PPP5C: variants seen among roughly 807,000 people sequenced by gnomAD.
PPP5C encodes the protein protein phosphatase 5 catalytic subunit.
A neutral mutation model predicts 66.7 loss-of-function variants in PPP5C; 21 were observed. The observed-to-expected ratio is 0.31, with a 90% CI of 0.22 to 0.45. The LOEUF (loss-of-function observed/expected upper bound fraction) is 0.45, where lower values mean the gene tolerates loss of function less well. PPP5C is among the 20% of genes least tolerant of loss of function. PPP5C has a pLI of 1.00. For synonymous variants in PPP5C, 246 were observed against 257.4 expected (o/e 0.96, Z 0.43); for missense variants, 464 against 675.9 (o/e 0.69, Z 3.48).
At position 46,390,748 on chromosome 19, in the gene PPP5C, C is replaced by T. The variant is rs1275066051; in HGVS notation, c.*402C>T. 9.7e-6 allele frequency: 11 copies of T among 1,136,064 alleles called. No individual in the cohort carries two copies. The highest frequency in any genetic ancestry group is 4.4e-6 in the Non-Finnish European group (4 of 915,472). 70.4% of individuals were successfully genotyped at this position (1,136,064 alleles called of 1,614,324 possible). On this transcript the variant is annotated 3_prime_UTR_variant, in exon 13 of 13. Coordinates refer to ENST00000012443, the MANE Select transcript of PPP5C (RefSeq NM_006247.4). ...AGCAGGGGGGCCCCGCCTGCGCCTCCCCTCCTATAGCCCCATGGTGGGGCT... is the reference window on the plus strand; with the variant it reads ...AGCAGGGGGGCCCCGCCTGCGCCTCTCCTCCTATAGCCCCATGGTGGGGCT...
chr19:46,366,946 T>G (rs1972500577), intron 2 of PPP5C, among the ~76,000 whole-genome samples: 2 of 152,330 alleles, frequency 1.3e-5, no homozygotes, highest in Middle Eastern at 3.4e-3. Flanking sequence ...ATACCCACCC[T>G]TTTCGAAGGG....
chr19:46,369,631 C>A (rs1469245346), intron 2 of PPP5C, among the ~76,000 whole-genome samples: 252 of 119,038 alleles, frequency 2.1e-3, no homozygotes, highest in Admixed American at 2.0e-3. Flanking sequence ...GACTCTGTCT[C>A]AAAAAAAAAA....
chr19:46,370,718 A>T (rs1179131256), intron 2 of PPP5C, among the ~76,000 whole-genome samples: 1 of 151,358 alleles, frequency 6.6e-6, no homozygotes, highest in Non-Finnish European at 1.5e-5. Flanking sequence ...AAACATCATT[A>T]TACAGCTCAT....
intron 2 of PPP5C, among the ~76,000 whole-genome samples, chr19:46,369,926 GAA>G (rs58057964): frequency 6.9e-6 from 1 of 144,034 alleles, no homozygotes; most frequent in African/African-American, 2.6e-5. Context: ...ACTCCGTCTG[GAA>G]AAAAAAAAAA....
At chr19:46,386,196 G>A (rs1972882794) in intron 7 of PPP5C, among the ~76,000 whole-genome samples, 1 of 152,146 alleles carries the variant, frequency 6.6e-6, no homozygotes, top group Non-Finnish European at 1.5e-5. Context: ...GGTTCCAAGG[G>A]GTGTTGAAAA....
chr19:46,367,384 C>G (rs1025177190), intron 2 of PPP5C, among the ~76,000 whole-genome samples: 1 of 152,184 alleles, frequency 6.6e-6, no homozygotes, highest in African/African-American at 2.4e-5. Context: ...TCCCCAGATT[C>G]TGCATGTAAT....
chr19:46,383,270 G>A lies in PPP5C; in HGVS notation c.634-141G>A. 6.5e-7 allele frequency: 1 copy of A among 1,546,806 alleles called. No individual in the cohort carries two copies. The highest frequency in any genetic ancestry group is 1.4e-5 in the African/African-American group (1 of 73,134). ...GCCCCGCCTGCTCCCGCTCCCCCAG[G>A]CCTGCCCTGCCCTTTTTCTTCTCTC... is the stretch of plus-strand genomic sequence containing the variant. On this transcript the variant is annotated intron_variant, in intron 4 of 12. Transcript: ENST00000012443. The surrounding 1 kb of genome is among the most constrained non-coding windows in gnomAD (Gnocchi z 5.0).
chr19:46,352,277 AAC>A lies in PPP5C; in HGVS notation c.122-1469_122-1468del, dbSNP rs372524189. On this transcript the variant is annotated intron_variant, in intron 1 of 12. Transcript: ENST00000012443. ...GAAGGACTCTCGGAGTGCTGTTGAG[AAC>A]ATTAAAATGGGAGTGAGGGTGGGGA... Among the ~76,000 whole-genome samples the A allele has an allele frequency of 5.5e-3, 830 of 152,268 alleles. 4 individuals are homozygous for A. Among genetic ancestry groups the A allele is most frequent in the African/African-American group, 0.019 (792 of 41,556 alleles).
chr19:46,359,014 A>T (rs190029132), intron 2 of PPP5C, among the ~76,000 whole-genome samples: 1 of 152,102 alleles, frequency 6.6e-6, no homozygotes, highest in Non-Finnish European at 1.5e-5. Context: ...CTCAAGGAAA[A>T]GTTTCTTTTC....
rs547427875 is a variant in PPP5C at position 46,376,472 on chromosome 19, C to T, written c.531C>T (p.Ser177=). 17 of 1,613,578 alleles carry T rather than the reference C, an allele frequency of 1.1e-5. No individual in the cohort carries two copies. The highest frequency in any genetic ancestry group is 9.9e-5 in the South Asian group (9 of 91,066). The change falls in exon 4 of 13, where the codon AGC becomes AGT. Residue 177 remains serine, a synonymous_variant. Transcript: ENST00000012443. This position sits in a 1 kb window ranked among gnomAD's most constrained non-coding sequence, Gnocchi z 5.1. ...IESMTIEDEY[S]GPKLEDGKVT... is the part of the protein sequence containing the mutation. ...CCCTAGCCATTGAGGATGAGTACAGCGGACCCAAGCTTGAAGACGGCAAAG... is the reference window on the plus strand; with the variant it reads ...CCCTAGCCATTGAGGATGAGTACAGTGGACCCAAGCTTGAAGACGGCAAAG...
At chr19:46,357,927 G>T (rs1972315223) in intron 2 of PPP5C, among the ~76,000 whole-genome samples, 1 of 152,160 alleles carries the variant, frequency 6.6e-6, no homozygotes, top group South Asian at 2.1e-4. Context: ...TTGGTCATTG[G>T]TGATCAACTT....
At chr19:46,357,994 C>A (rs1972316747) in intron 2 of PPP5C, among the ~76,000 whole-genome samples, 1 of 152,198 alleles carries the variant, frequency 6.6e-6, no homozygotes, top group Admixed American at 6.5e-5. Context: ...AACATTCCAA[C>A]CTTACAGGCC....
chr19:46,375,871 CTG>C, intron 3 of PPP5C, 120 bp downstream of exon 3: 1 of 1,434,848 alleles, frequency 7.0e-7, no homozygotes. Context: ...AGGCTGGTGT[CTG>C]TCGCTCCTCT....
intron 2 of PPP5C, 140 bp from the exon 3 acceptor site, chr19:46,375,464 C>T (rs1207264768): frequency 5.4e-6 from 7 of 1,300,256 alleles, no homozygotes; most frequent in South Asian, 3.0e-5. Context: ...CAGTTAAATA[C>T]GTCTAGGGTT....
intron 4 of PPP5C, chr19:46,382,870 CTG>C: frequency 1.9e-6 from 2 of 1,069,736 alleles, no homozygotes; most frequent in Non-Finnish European, 2.3e-6. Flanking sequence ...CATATCCAAT[CTG>C]TGAAAAATAA....
At chr19:46,387,488 AG>A in intron 9 of PPP5C, 35 bp downstream of exon 9, 1 of 1,613,998 alleles carries the variant, frequency 6.2e-7, no homozygotes, top group Non-Finnish European at 8.5e-7. Flanking sequence ...TCCAGCAGAA[AG>A]GGGCAGCCTG....
intron 2 of PPP5C, among the ~76,000 whole-genome samples, chr19:46,372,800 C>A (rs1192651659): frequency 6.6e-6 from 1 of 152,212 alleles, no homozygotes; most frequent in Admixed American, 6.5e-5. Context: ...GACCTTGATA[C>A]AATCCAACTG....
At chr19:46,348,545 C>T (rs923560646) in intron 1 of PPP5C, among the ~76,000 whole-genome samples, 3 of 152,048 alleles carry the variant, frequency 2.0e-5, no homozygotes, top group Admixed American at 1.3e-4. Flanking sequence ...AACCTCTGAC[C>T]GCAGGTGATC....
intron 2 of PPP5C, among the ~76,000 whole-genome samples, chr19:46,365,087 A>G (rs1972467866): frequency 6.6e-6 from 1 of 151,636 alleles, no homozygotes; most frequent in South Asian, 2.1e-4. Flanking sequence ...GGTTCAAGCA[A>G]CTCTCTTGCC....
Sources: gnomAD v4.1 joint callset for allele counts (sites outside exome capture counted in the v4.1 genomes callset) on GRCh38, gnomAD v4.1.1 for gene constraint, Gnocchi (gnomAD v3.1) non-coding constraint, MANE v1.5 for transcripts, NCBI Gene and HGNC (gene_info 2026-07-23, HGNC 2026-07-21) for gene names.